ELF1: variants seen among roughly 807,000 people sequenced by gnomAD.
The protein encoded by ELF1 is ETS-related transcription factor Elf-1.
A neutral mutation model predicts 59.9 loss-of-function variants in ELF1; 24 were observed. That is an observed-to-expected ratio of 0.40 (90% CI 0.29 to 0.56). The LOEUF (loss-of-function observed/expected upper bound fraction) is 0.56, where lower values mean the gene tolerates loss of function less well. Among genes scored for constraint, ELF1 ranks in the 20% least tolerant of loss-of-function variants. The pLI, the probability that ELF1 is intolerant of heterozygous loss-of-function variation, is 0.44. For missense variants in ELF1, 627 were observed against 742.2 expected (o/e 0.84, Z 1.80); for synonymous variants, 248 against 266.2 (o/e 0.93, Z 0.67).
At chr13:40,970,522 G>GT (rs1307636714) in intron 2 of ELF1, among the ~76,000 whole-genome samples, 1 of 152,232 alleles carries the variant, frequency 6.6e-6, no homozygotes, top group African/African-American at 2.4e-5. Flanking sequence ...ATGTTAGGCA[G>GT]TGTTATCTTT....
At chr13:41,009,600 T>C (rs1874936081) in intron 1 of ELF1, among the ~76,000 whole-genome samples, 1 of 152,218 alleles carries the variant, frequency 6.6e-6, no homozygotes, top group Admixed American at 6.5e-5. Context: ...TAATTTGCAT[T>C]CCTTTGCTAG....
chr13:41,000,573 T>G (rs2138333019), intron 1 of ELF1, among the ~76,000 whole-genome samples: 1 of 152,220 alleles, frequency 6.6e-6, no homozygotes, highest in African/African-American at 2.4e-5. Flanking sequence ...TGTTGTACTC[T>G]TGGAAAGTTC....
chr13:40,937,083 A>G (rs1869834453), intron 8 of ELF1, among the ~76,000 whole-genome samples: 1 of 152,246 alleles, frequency 6.6e-6, no homozygotes, highest in African/African-American at 2.4e-5. Flanking sequence ...TCAATAATAC[A>G]AATTCAGAGA....
intron 1 of ELF1, among the ~76,000 whole-genome samples, chr13:41,048,361 C>T (rs772871837): frequency 4.6e-5 from 7 of 152,200 alleles, no homozygotes; most frequent in East Asian, 3.8e-4. Flanking sequence ...CCGTCTTCTG[C>T]GTCACTCACG....
At chr13:41,060,818 G>A (rs3794329) in intron 1 of ELF1, 11,257 of 228,854 alleles carry the variant, frequency 0.049, 835 homozygotes, top group African/African-American at 0.16. Flanking sequence ...GAAGTGCTAT[G>A]AGAAACTGCC....
chr13:41,022,793 C>T (rs979777635), upstream of ELF1, among the ~76,000 whole-genome samples: 7 of 152,102 alleles, frequency 4.6e-5, no homozygotes, highest in South Asian at 2.1e-4. Context: ...GCAGGAGAAT[C>T]GCTTGAACCT....
Position 40,943,144 on chromosome 13 carries a change from C to A in ELF1, c.614G>T (p.Gly205Val). Reference protein sequence around the residue: ...SVKKKNKDGKGNTIYLWEFLL... With the variant: ...SVKKKNKDGKVNTIYLWEFLL... The stretch of plus-strand genomic sequence containing the variant: ...AAACTCCCAAAGATAAATTGTGTTT[C>A]CTGAAACAAAAACAATTTCTTTCTA... The change falls in exon 7 of 9, where the codon GGA becomes GTA. Residue 205 changes from glycine to valine, a missense_variant and splice_region_variant. Gly to Val is a moderately radical substitution (Grantham distance 109). Transcript: ENST00000239882. 1 of 1,486,982 alleles carries A rather than the reference C, an allele frequency of 6.7e-7. No individual in the cohort carries two copies. Among genetic ancestry groups the A allele is most frequent in the Non-Finnish European group, 9.0e-7 (1 of 1,109,440 alleles). The allele number at this position is 1,486,982 out of a possible 1,614,324, so 92.1% of individuals were successfully genotyped here.
At chr13:40,938,809 CA>C (rs1407285299) in intron 8 of ELF1, among the ~76,000 whole-genome samples, 5 of 150,882 alleles carry the variant, frequency 3.3e-5, no homozygotes, top group Non-Finnish European at 7.4e-5. Flanking sequence ...AATAAGTCAT[CA>C]AAAATCAAGA....
At chr13:40,944,124 C>T (rs1870358884) in intron 5 of ELF1, among the ~76,000 whole-genome samples, 199 bp from the exon 6 acceptor site, 1 of 151,992 alleles carries the variant, frequency 6.6e-6, no homozygotes. Context: ...CAGGTTAAAC[C>T]ATAAACACAC....
chr13:41,006,962 A>C (rs1219063875), intron 1 of ELF1, among the ~76,000 whole-genome samples: 1 of 152,170 alleles, frequency 6.6e-6, no homozygotes, highest in Non-Finnish European at 1.5e-5. Flanking sequence ...TAAAACATAA[A>C]ATTTTGAATA....
At chr13:40,995,094 C>G (rs1874063382) in intron 1 of ELF1, among the ~76,000 whole-genome samples, 1 of 152,290 alleles carries the variant, frequency 6.6e-6, no homozygotes, top group East Asian at 1.9e-4. Context: ...TTCACTCTTA[C>G]ACGGAGGCAC....
At chr13:41,007,215 C>T (rs141984073) in intron 1 of ELF1, among the ~76,000 whole-genome samples, 46 of 152,220 alleles carry the variant, frequency 3.0e-4, no homozygotes, top group African/African-American at 1.1e-3. Context: ...GAGGTCTTAG[C>T]AGGAAGCCCA....
In ELF1 at chr13:40,934,017, G is replaced by A. The variant is rs1175744595; in HGVS notation, c.1268C>T (p.Ala423Val). Residue 423 changes from alanine to valine, a missense_variant, in exon 9 of 9, where the codon GCT (alanine) becomes GTT (valine). Coordinates refer to ENST00000239882, the MANE Select transcript of ELF1 (RefSeq NM_172373.4). ...CACAACCACTGGAACTTGGGTTGGAGCCTGTATAGTCCTATTGAGATGATG... is the reference window on the plus strand; with the variant it reads ...CACAACCACTGGAACTTGGGTTGGAACCTGTATAGTCCTATTGAGATGATG... Reference protein sequence around the residue: ...SSVQSIRTIQAPTQVPVVVSP... With the variant: ...SSVQSIRTIQVPTQVPVVVSP... 1 of 1,613,876 alleles carries A rather than the reference G, an allele frequency of 6.2e-7. No individual in the cohort carries two copies. The highest frequency in any genetic ancestry group is 2.2e-5 in the East Asian group (1 of 44,890).
At chr13:41,023,741 A>G (rs908558033), upstream of ELF1, among the ~76,000 whole-genome samples, 1 of 152,168 alleles carries the variant, frequency 6.6e-6, no homozygotes, top group Non-Finnish European at 1.5e-5. Flanking sequence ...GCAACAGTCT[A>G]TGTATTTTCA....
intron 2 of ELF1, among the ~76,000 whole-genome samples, chr13:40,973,579 G>A (rs1216637559): frequency 3.3e-5 from 5 of 151,594 alleles, no homozygotes; most frequent in Admixed American, 1.3e-4. Context: ...ACACATCAAA[G>A]GTGTCAAATG....
intron 1 of ELF1, among the ~76,000 whole-genome samples, chr13:41,056,558 C>T (rs981491452): frequency 3.3e-5 from 5 of 152,162 alleles, no homozygotes; most frequent in African/African-American, 1.2e-4. Context: ...AAACTGTTTT[C>T]CAAAGCAACT....
In ELF1 at chr13:40,941,092, G is replaced by A; in HGVS notation, c.1085C>T (p.Ala362Val). The change falls in exon 8 of 9, where the codon GCA becomes GTA. Residue 362 changes from alanine (A) to valine (V), a missense_variant. Coordinates refer to ENST00000239882, the MANE Select transcript of ELF1 (RefSeq NM_172373.4). ...TGTCCTCAAAACTTCTGATGGTTGT[G>A]CAACTTCCACAGGATCTTTGGGTTT... Reference protein sequence around the residue: ...AAKPKDPVEVAQPSEVLRTVQ... With the variant: ...AAKPKDPVEVVQPSEVLRTVQ... 5.6e-6 allele frequency: 9 copies of A among 1,614,202 alleles called. No homozygotes were observed. The highest frequency in any genetic ancestry group is 7.6e-6 in the Non-Finnish European group (9 of 1,180,038).
intron 1 of ELF1, among the ~76,000 whole-genome samples, chr13:41,001,625 C>A (rs530856215): frequency 2.0e-5 from 3 of 152,308 alleles, no homozygotes; most frequent in African/African-American, 7.2e-5. Flanking sequence ...CAGCAGTGAA[C>A]AAACCGACCA....
chr13:41,057,222 T>A (rs1877320043), intron 1 of ELF1, among the ~76,000 whole-genome samples: 1 of 150,054 alleles, frequency 6.7e-6, no homozygotes, highest in Non-Finnish European at 1.5e-5. Context: ...AGCGGCAACA[T>A]CACAGCTCAC....
Sources: gnomAD v4.1 joint callset for allele counts (sites outside exome capture counted in the v4.1 genomes callset) on GRCh38, gnomAD v4.1.1 for gene constraint, MANE v1.5 for transcripts, NCBI Gene and HGNC (gene_info 2026-07-23, HGNC 2026-07-21) for gene names.